GGT7: variants seen among roughly 807,000 people sequenced by gnomAD.
The protein encoded by GGT7 is glutathione hydrolase 7.
GGT7 carries 30 observed loss-of-function variants against 69.2 expected under a neutral mutation model. The observed-to-expected ratio is 0.43, with a 90% confidence interval of 0.32 to 0.59. The LOEUF (loss-of-function observed/expected upper bound fraction) is 0.59. Among genes scored for constraint, GGT7 ranks in the 20% least tolerant of loss-of-function variants. The pLI, the probability that GGT7 is intolerant of heterozygous loss-of-function variation, is 0.05. For missense variants in GGT7, 733 were observed against 901.1 expected (o/e 0.81, Z 2.39); for synonymous variants, 388 against 391.8 (o/e 0.99, Z 0.12).
Position 34,849,952 on chromosome 20 carries a change from T to A in GGT7, c.1825+9A>T, listed in dbSNP as rs1230289029. On this transcript the variant is annotated intron_variant, in intron 14 of 14. Coordinates refer to ENST00000336431, the MANE Select transcript of GGT7 (RefSeq NM_178026.3). The stretch of plus-strand genomic sequence containing the variant: ...TGCCCGCCCCACGAGGTCTCTGCTC[T>A]GCACTCACTGTCCACCTGCAGGAGG... The A allele has an allele frequency of 1.3e-6, 2 of 1,579,434 alleles. No homozygotes were observed. Among genetic ancestry groups the A allele is most frequent in the Non-Finnish European group, 1.7e-6 (2 of 1,149,382 alleles).
chr20:34,851,278 C>A lies in GGT7; in HGVS notation c.1678G>T (p.Ala560Ser), dbSNP rs761161712. The A allele has an allele frequency of 1.2e-6, 2 of 1,613,928 alleles. No individual in the cohort carries two copies. The highest frequency in any genetic ancestry group is 1.7e-6 in the Non-Finnish European group (2 of 1,180,032). The change falls in exon 13 of 15, where the codon GCT becomes TCT. Residue 560 changes from alanine to serine, a missense_variant. By Grantham distance (99) the Ala-to-Ser change is moderately conservative. Coordinates refer to ENST00000336431, the MANE Select transcript of GGT7 (RefSeq NM_178026.3). ...PAEGLCGTYL[A>S]LGANGAARGL... ...CGCGCAGCTCCATTGGCCCCCAGAGCGAGGTAGGTTCCACAGAGCCCCTCC... is the reference window on the plus strand; with the variant it reads ...CGCGCAGCTCCATTGGCCCCCAGAGAGAGGTAGGTTCCACAGAGCCCCTCC...
intron 1 of GGT7, among the ~76,000 whole-genome samples, chr20:34,871,161 A>G (rs2079772017): frequency 6.6e-6 from 1 of 152,222 alleles, no homozygotes; most frequent in Non-Finnish European, 1.5e-5. Context: ...GTAATCAGAT[A>G]ATTGCACAAA....
chr20:34,871,582 A>G (rs2079779010), intron 1 of GGT7, among the ~76,000 whole-genome samples: 1 of 152,216 alleles, frequency 6.6e-6, no homozygotes, highest in Admixed American at 6.5e-5. Flanking sequence ...CAGGTTGGCA[A>G]GGGCTGCTGG....
chr20:34,865,086 T>A (rs916005762), intron 1 of GGT7, among the ~76,000 whole-genome samples: 3 of 149,888 alleles, frequency 2.0e-5, no homozygotes, highest in Non-Finnish European at 4.5e-5. Context: ...CCTCCCAAAG[T>A]GCTGGGATTA....
At chr20:34,845,768 A>C (rs2079294944) in intron 14 of GGT7, among the ~76,000 whole-genome samples, 1 of 152,176 alleles carries the variant, frequency 6.6e-6, no homozygotes, top group Non-Finnish European at 1.5e-5. Context: ...TTAATATTGA[A>C]AACAGGACAG....
chr20:34,860,112 G>A (rs2295094), intron 5 of GGT7, 70 bp from the exon 6 acceptor site: 111,574 of 863,498 alleles, frequency 0.13, 9,510 homozygotes, highest in South Asian at 0.23. Flanking sequence ...GGGGAGGGGG[G>A]TTCCTGGGAA....
chr20:34,860,084 GAATGAGGAGGGGTCC>G, intron 5 of GGT7, 42 bp from the exon 6 acceptor site: 2 of 532,746 alleles, frequency 3.8e-6, no homozygotes, highest in Non-Finnish European at 7.0e-6. Context: ...GGTCCTGGGG[GAATGAGGAGGGGTCC>G]GGGGGGAGGG....
At chr20:34,846,164 A>T (rs1484451209) in intron 14 of GGT7, among the ~76,000 whole-genome samples, 1 of 152,112 alleles carries the variant, frequency 6.6e-6, no homozygotes, top group Non-Finnish European at 1.5e-5. Context: ...TCCACCTGCC[A>T]AAGTCAAGCT....
intron 7 of GGT7, among the ~76,000 whole-genome samples, chr20:34,857,364 C>T (rs976153446): frequency 9.2e-5 from 14 of 152,176 alleles, no homozygotes; most frequent in Non-Finnish European, 1.9e-4. Flanking sequence ...TGCTGCATCT[C>T]ACCACAACCA....
rs200830479 is a variant in GGT7 at position 34,845,344 on chromosome 20, C to G, written c.1973G>C (p.Gly658Ala). The change falls in exon 15 of 15, where the codon GGA becomes GCA. Residue 658 changes from glycine to alanine, a missense_variant. Gly to Ala is a moderately conservative substitution (Grantham distance 60). Coordinates refer to ENST00000336431, the MANE Select transcript of GGT7 (RefSeq NM_178026.3). ...VKDPRSPDAAGATIL is the reference protein window; with the variant it reads ...VKDPRSPDAAAATIL ...CCCGCTGCTCTACAGGATGGTGGCT[C>G]CAGCTGCATCTGGGCTCCGAGGGTC... 1.4e-5 allele frequency: 22 copies of G among 1,613,650 alleles called. No homozygotes were observed. Among genetic ancestry groups the G allele is most frequent in the African/African-American group, 2.7e-5 (2 of 74,910 alleles).
chr20:34,846,477 A>ATT lies in GGT7; in HGVS notation c.1826-988_1826-987dup, dbSNP rs112911298. ...CGCCACCACACCCGGCTAATTTTCT[A>ATT]TTTTTTTTTTTTGTAGAGGTGGGGG... On this transcript the variant is annotated intron_variant, in intron 14 of 14. Coordinates refer to ENST00000336431, the MANE Select transcript of GGT7 (RefSeq NM_178026.3). Among the ~76,000 whole-genome samples, 51 of 143,842 alleles carry ATT rather than the reference A, an allele frequency of 3.5e-4. No individual in the cohort carries two copies. The South Asian group carries it at 5.5e-3, about 15-fold the overall frequency. 94.4% of individuals were successfully genotyped at this position (143,842 alleles called of 152,430 possible). A position where few individuals can be genotyped will look rare whatever the true frequency, so the allele number is the denominator to read the frequency against.
intron 3 of GGT7, 90 bp downstream of exon 3, chr20:34,862,722 CCT>C: frequency 7.8e-7 from 1 of 1,282,704 alleles, no homozygotes; most frequent in East Asian, 2.3e-5. Context: ...CCCAAAAGCC[CCT>C]CTCCCTAAGT....
At chr20:34,859,924 C>T (rs1383175595) in intron 6 of GGT7, 45 bp downstream of exon 6, 5 of 1,293,060 alleles carry the variant, frequency 3.9e-6, no homozygotes, top group Non-Finnish European at 5.5e-6. Context: ...TTCTACCCTT[C>T]TCCATCAACC....
At chr20:34,847,950 GTGTGGTGGCA>G (rs1335448469) in intron 14 of GGT7, among the ~76,000 whole-genome samples, 2 of 152,128 alleles carry the variant, frequency 1.3e-5, no homozygotes, top group Non-Finnish European at 2.9e-5. Context: ...AATTAGCTGG[GTGTGGTGGCA>G]TGTGCACCTG....
In GGT7 at chr20:34,852,135, A is replaced by G; in HGVS notation, c.1587+20T>C. ...CTATAGGCCTCAGGGTCCCCAGGAA[A>G]GCAGGGAAGCAAATCCTACCAGGCT... is the stretch of plus-strand genomic sequence containing the variant. On this transcript the variant is annotated intron_variant, in intron 12 of 14. Coordinates refer to ENST00000336431, the MANE Select transcript of GGT7 (RefSeq NM_178026.3). 2.0e-6 allele frequency: 3 copies of G among 1,473,876 alleles called. No homozygotes were observed. Among genetic ancestry groups the G allele is most frequent in the Non-Finnish European group, 1.9e-6 (2 of 1,051,846 alleles). 91.3% of individuals were successfully genotyped at this position (1,473,876 alleles called of 1,614,324 possible).
intron 10 of GGT7, 49 bp from the exon 11 acceptor site, chr20:34,852,587 A>T: frequency 6.7e-7 from 1 of 1,497,070 alleles, no homozygotes; most frequent in Non-Finnish European, 8.9e-7. Context: ...CTCTCAATAC[A>T]CCCCACCTAC....
intron 1 of GGT7, among the ~76,000 whole-genome samples, chr20:34,871,078 G>A (rs1445339446): frequency 6.6e-6 from 1 of 152,170 alleles, no homozygotes; most frequent in African/African-American, 2.4e-5. Context: ...TATGGATAAG[G>A]TCTTGATGCT....
intron 13 of GGT7, chr20:34,850,648 T>G: frequency 5.7e-6 from 2 of 349,700 alleles, no homozygotes; most frequent in East Asian, 1.5e-4. Flanking sequence ...TGTTATTATT[T>G]CCATTTTAAA....
rs1037598814 is a variant in GGT7 at position 34,860,424 on chromosome 20, G to C, written c.676-103C>G. 8 of 885,668 alleles carry C rather than the reference G, an allele frequency of 9.0e-6. No homozygotes were observed. In the African/African-American group the frequency reaches 1.3e-4, roughly 15 times the overall value. 54.9% of individuals were successfully genotyped at this position (885,668 alleles called of 1,614,324 possible). On this transcript the variant is annotated intron_variant, in intron 4 of 14. Transcript: ENST00000336431. ...CCCAAGCCAGGGATGGCTGGCACAGGGGAGAGACACAGGCCAAGTATCCCA... is the reference window on the plus strand; with the variant it reads ...CCCAAGCCAGGGATGGCTGGCACAGCGGAGAGACACAGGCCAAGTATCCCA...
Sources: gnomAD v4.1 joint callset for allele counts (sites outside exome capture counted in the v4.1 genomes callset) on GRCh38, gnomAD v4.1.1 for gene constraint, MANE v1.5 for transcripts, NCBI Gene and HGNC (gene_info 2026-07-23, HGNC 2026-07-21) for gene names.